RB1: variants seen among roughly 807,000 people sequenced by gnomAD.
RB1 encodes the protein retinoblastoma-associated protein.
In RB1, 18 loss-of-function variants were observed where a neutral mutation model predicts 135.4. The observed-to-expected ratio is 0.13, with a 90% CI of 0.09 to 0.20. RB1 has a LOEUF of 0.20. Among genes scored for constraint, RB1 ranks in the 10% least tolerant of loss-of-function variants. The pLI, the probability that RB1 is intolerant of heterozygous loss-of-function variation, is 1.00. For synonymous variants in RB1, 365 were observed against 373.2 expected, an observed-to-expected ratio of 0.98 and a Z score of 0.25; for missense variants, 868 against 1,110.0, an observed-to-expected ratio of 0.78 and a Z score of 3.10.
At chr13:48,432,934 C>A (rs899670368) in intron 17 of RB1, among the ~76,000 whole-genome samples, 2 of 152,014 alleles carry the variant, frequency 1.3e-5, no homozygotes, top group Admixed American at 1.3e-4. Flanking sequence ...TCAGTCTTTG[C>A]TATTATGCTT....
rs4151469 is a variant in RB1 at position 48,345,961 on chromosome 13, T to C, written c.500+762T>C. 5.1e-3 allele frequency among the ~76,000 whole-genome samples: 783 copies of C among 152,206 alleles called. 4 individuals carry two copies. The highest frequency in any genetic ancestry group is 8.2e-3 in the Non-Finnish European group (556 of 67,976). ...GGATGGCTCTATTTTCTCCCCCTTT[T>C]TCTTTTTTGACCACTAAAACTTCAC... is the stretch of plus-strand genomic sequence containing the variant. On this transcript the variant is annotated intron_variant, in intron 4 of 26. Coordinates refer to ENST00000267163, the MANE Select transcript of RB1 (RefSeq NM_000321.3).
chr13:48,351,122 G>T (rs1305210065), intron 6 of RB1, among the ~76,000 whole-genome samples: 3 of 152,126 alleles, frequency 2.0e-5, no homozygotes, highest in Non-Finnish European at 4.4e-5. Context: ...GGGTCCAAGG[G>T]TAGTTCTGCT....
In RB1 at chr13:48,481,002, T is replaced by C. The variant is rs752896094; in HGVS notation, c.*931T>C. ...CTGAAGAATTAAGATACAAATTAAT[T>C]TTACTCCATAAACAGACTGTTAATT... On this transcript the variant is annotated 3_prime_UTR_variant, in exon 27 of 27. Transcript: ENST00000267163. 7.9e-5 allele frequency: 18 copies of C among 228,692 alleles called. No individual in the cohort carries two copies. The highest frequency in any genetic ancestry group is 1.2e-4 in the Non-Finnish European group (14 of 115,142). 14.2% of individuals were successfully genotyped at this position (228,692 alleles called of 1,614,324 possible).
intron 17 of RB1, among the ~76,000 whole-genome samples, chr13:48,387,679 T>C (rs1948580726): frequency 6.6e-6 from 1 of 152,206 alleles, no homozygotes; most frequent in African/African-American, 2.4e-5. Flanking sequence ...CTAAAAACTA[T>C]TGAATTGTAC....
intron 2 of RB1, among the ~76,000 whole-genome samples, chr13:48,331,498 A>G (rs563491245): frequency 9.9e-5 from 15 of 152,252 alleles, no homozygotes; most frequent in African/African-American, 3.6e-4. Flanking sequence ...TCCCAAGCTA[A>G]CATCTTAGCA....
rs147007201 is a variant in RB1 at position 48,440,285 on chromosome 13, C to T, written c.1696-12708C>T. On this transcript the variant is annotated intron_variant, in intron 17 of 26. Transcript: ENST00000267163. ...AGTCAGATGTTCTACAAAATATTAA[C>T]TATTTTTCCTGAGATAGAAGTGGTT... 4.1e-4 allele frequency among the ~76,000 whole-genome samples: 62 copies of T among 152,166 alleles called. No individual in the cohort carries two copies. The Middle Eastern group carries it at 0.01, about 25-fold the overall frequency.
chr13:48,335,481 T>A (rs1952375544), intron 2 of RB1, among the ~76,000 whole-genome samples: 1 of 152,168 alleles, frequency 6.6e-6, no homozygotes, highest in South Asian at 2.1e-4. Context: ...TATTTTTACT[T>A]GTTAAATTCT....
chr13:48,354,554 T>C (rs1952574275), intron 6 of RB1, among the ~76,000 whole-genome samples: 1 of 152,126 alleles, frequency 6.6e-6, no homozygotes, highest in African/African-American at 2.4e-5. Context: ...AAAATACCAA[T>C]GACATTCTTC....
chr13:48,382,661 C>G (rs573380308), intron 17 of RB1, among the ~76,000 whole-genome samples: 1,612 of 152,082 alleles, frequency 0.011, 11 homozygotes, highest in Middle Eastern at 0.027. Flanking sequence ...TCACTCTGAT[C>G]GTAGTTTCTT....
intron 17 of RB1, among the ~76,000 whole-genome samples, chr13:48,397,467 G>A (rs1948657442): frequency 6.6e-6 from 1 of 152,124 alleles, no homozygotes; most frequent in Admixed American, 6.6e-5. Context: ...CACATGGAGG[G>A]GAACATCACA....
intron 2 of RB1, among the ~76,000 whole-genome samples, chr13:48,323,708 C>A (rs2138059562): frequency 6.6e-6 from 1 of 152,188 alleles, no homozygotes; most frequent in South Asian, 2.1e-4. Flanking sequence ...AAAGTTTTCA[C>A]TCTTGGCCAA....
intron 2 of RB1, among the ~76,000 whole-genome samples, chr13:48,313,999 C>T (rs527955940): frequency 5.9e-5 from 9 of 152,200 alleles, no homozygotes; most frequent in East Asian, 1.9e-4. Flanking sequence ...TCGCCCACCT[C>T]GGCCTCCCAA....
intron 11 of RB1, among the ~76,000 whole-genome samples, chr13:48,370,865 C>T (rs1194401661): frequency 1.3e-5 from 2 of 152,186 alleles, no homozygotes; most frequent in South Asian, 2.1e-4. Flanking sequence ...AACTCTGCCT[C>T]GGGCTTTCTA....
intron 17 of RB1, among the ~76,000 whole-genome samples, chr13:48,384,293 A>G (rs536706953): frequency 7.9e-4 from 121 of 152,250 alleles, no homozygotes; most frequent in Admixed American, 2.1e-3. Context: ...CTTATATTAC[A>G]TTTTTAATCA....
chr13:48,345,509 ATAAATT>A (rs1441465399), intron 4 of RB1, among the ~76,000 whole-genome samples: 1 of 152,154 alleles, frequency 6.6e-6, no homozygotes, highest in Non-Finnish European at 1.5e-5. Context: ...GAATGGTGAC[ATAAATT>A]TAAACTTCTT....
At chr13:48,330,427 AAT>A (rs1429167155) in intron 2 of RB1, among the ~76,000 whole-genome samples, 2 of 152,152 alleles carry the variant, frequency 1.3e-5, no homozygotes, top group African/African-American at 4.8e-5. Flanking sequence ...TTTTAGCTAG[AAT>A]AAGAAAAAAA....
chr13:48,322,844 A>G (rs1175242382), intron 2 of RB1, among the ~76,000 whole-genome samples: 1 of 152,110 alleles, frequency 6.6e-6, no homozygotes. Context: ...TTAAACCAAC[A>G]TTGCATCTCT....
rs1321331035 is a variant in RB1 at position 48,364,875 on chromosome 13, G to C, written c.862-19G>C. ...TGTTTTAAATTTTAATGATCATGTT[G>C]TAACTTCATCTTTTTCAGGTGAAAA... On this transcript the variant is annotated intron_variant, in intron 8 of 26. Coordinates refer to ENST00000267163, the MANE Select transcript of RB1 (RefSeq NM_000321.3). 1.3e-6 allele frequency: 2 copies of C among 1,547,810 alleles called. No individual in the cohort carries two copies. The highest frequency in any genetic ancestry group is 1.7e-6 in the Non-Finnish European group (2 of 1,143,704).
At chr13:48,328,633 A>G in intron 2 of RB1, 1 of 574,036 alleles carries the variant, frequency 1.7e-6, no homozygotes, top group East Asian at 3.0e-5. Flanking sequence ...AAATAATTAG[A>G]TATAGAAAAT....
Sources: allele counts gnomAD v4.1 joint callset (sites outside exome capture counted in the v4.1 genomes callset), GRCh38; gene constraint gnomAD v4.1.1; transcripts MANE v1.5; gene names NCBI Gene and HGNC (gene_info 2026-07-23, HGNC 2026-07-21).